CCNY: variants seen among roughly 807,000 people sequenced by gnomAD.
CCNY encodes the protein cyclin Y, also known as cyclin-Y.
CCNY carries 19 observed loss-of-function variants against 42.8 expected under a neutral mutation model. That is an observed-to-expected ratio of 0.44 (90% CI 0.31 to 0.65). CCNY has a LOEUF of 0.65. Ranked by LOEUF, CCNY falls within the 30% of genes least tolerant of loss-of-function variation. CCNY has a pLI of 0.07. For missense variants in CCNY, 370 were observed against 437.3 expected (o/e 0.85, Z 1.37); for synonymous variants, 165 against 162.7 (o/e 1.01, Z -0.11).
chr10:35,569,021 G>C, intron 9 of CCNY, 33 bp from the exon 10 acceptor site: 3 of 1,427,584 alleles, frequency 2.1e-6, no homozygotes, highest in Non-Finnish European at 3.0e-6. Context: ...GATATGGCCC[G>C]CCCTGACCCA....
Position 35,422,971 on chromosome 10 carries a change from TA to T in CCNY, c.155-60432del, listed in dbSNP as rs559628394. Among the ~76,000 whole-genome samples, 418 of 152,362 alleles carry T rather than the reference TA, an allele frequency of 2.7e-3. 5 individuals are homozygous for T. Among genetic ancestry groups the T allele is most frequent in the African/African-American group, 9.6e-3 (400 of 41,590 alleles). On this transcript the variant is annotated intron_variant, in intron 1 of 9. Transcript: ENST00000374704. The stretch of plus-strand genomic sequence containing the variant: ...ACTGACTTTACATTTTGTTAGATGG[TA>T]CTGAATCAACCACAGTTACTGCTTT...
intron 3 of CCNY, among the ~76,000 whole-genome samples, chr10:35,280,380 GGGAAGAAAGGAAGAAGGAAA>G (rs1211394147): frequency 6.8e-6 from 1 of 146,378 alleles, no homozygotes; most frequent in Non-Finnish European, 1.5e-5. Flanking sequence ...AAAGGAAGAA[GGGAAGAAAGGAAGAAGGAAA>G]GGAAGGAAGG....
chr10:35,491,738 C>T (rs915562594), intron 2 of CCNY, among the ~76,000 whole-genome samples: 12 of 152,026 alleles, frequency 7.9e-5, no homozygotes, highest in Admixed American at 1.3e-4. Flanking sequence ...CTCAGCCTCC[C>T]GAGTAGCTGG....
chr10:35,433,810 T>C (rs1472525455), intron 1 of CCNY, among the ~76,000 whole-genome samples: 3 of 152,236 alleles, frequency 2.0e-5, no homozygotes, highest in Admixed American at 1.3e-4. Flanking sequence ...AGTTTCACCA[T>C]GTTGGCCAGG....
At chr10:35,515,986 C>G (rs1253588097) in intron 3 of CCNY, among the ~76,000 whole-genome samples, 1 of 152,178 alleles carries the variant, frequency 6.6e-6, no homozygotes, top group East Asian at 1.9e-4. Context: ...TTGTCCTTAA[C>G]AAAGCAATAT....
chr10:35,363,315 G>T (rs187187578), intron 1 of CCNY, among the ~76,000 whole-genome samples: 2 of 150,288 alleles, frequency 1.3e-5, no homozygotes, highest in East Asian at 4.0e-4. Flanking sequence ...TTGGGGGGCC[G>T]GGCAGAGGCG....
intron 4 of CCNY, 37 bp downstream of exon 4, chr10:35,516,660 C>CATTTTTTTTT: frequency 1.9e-6 from 1 of 533,888 alleles, no homozygotes; most frequent in Non-Finnish European, 2.8e-6. Context: ...TTCCTTCCTT[C>CATTTTTTTTT]CTTTTTTTTT....
intron 7 of CCNY, among the ~76,000 whole-genome samples, chr10:35,549,381 C>A (rs890535715): frequency 4.6e-5 from 7 of 151,756 alleles, no homozygotes; most frequent in African/African-American, 1.5e-4. Flanking sequence ...TATGACCCTA[C>A]AGTGCTCGTG....
At chr10:35,283,505 G>A (rs1006358840) in intron 3 of CCNY, among the ~76,000 whole-genome samples, 5 of 152,032 alleles carry the variant, frequency 3.3e-5, no homozygotes, top group African/African-American at 4.8e-5. Context: ...CTGGGTTCAA[G>A]TGATTCTCCT....
intron 3 of CCNY, among the ~76,000 whole-genome samples, chr10:35,294,108 T>G (rs1835445281): frequency 6.6e-6 from 1 of 152,242 alleles, no homozygotes; most frequent in African/African-American, 2.4e-5. Context: ...ATTTGTATGT[T>G]GATCTTTTAT....
intron 1 of CCNY, among the ~76,000 whole-genome samples, chr10:35,426,109 GCGCACACACACACA>G (rs1387811230): frequency 8.2e-4 from 92 of 111,764 alleles, no homozygotes; most frequent in Middle Eastern, 5.0e-3. Context: ...GGTCCAGCAC[GCGCACACACACACA>G]CACACACACA....
At chr10:35,473,824 T>C (rs1276630735) in intron 1 of CCNY, among the ~76,000 whole-genome samples, 1 of 152,182 alleles carries the variant, frequency 6.6e-6, no homozygotes, top group South Asian at 2.1e-4. Context: ...AGCTCCTGTC[T>C]ACAGCTCCCA....
At chr10:35,472,908 G>A (rs1319425881) in intron 1 of CCNY, among the ~76,000 whole-genome samples, 6 of 152,070 alleles carry the variant, frequency 3.9e-5, no homozygotes, top group South Asian at 4.1e-4. Flanking sequence ...ATTTCGATAC[G>A]AATAGAATTG....
At chr10:35,418,653 G>GTTT (rs1240950625) in intron 1 of CCNY, among the ~76,000 whole-genome samples, 1 of 152,028 alleles carries the variant, frequency 6.6e-6, no homozygotes, top group African/African-American at 2.4e-5. Context: ...TGTAGGGGGC[G>GTTT]TATGTGGGGG....
At chr10:35,472,709 G>A (rs758851764) in intron 1 of CCNY, among the ~76,000 whole-genome samples, 4 of 152,166 alleles carry the variant, frequency 2.6e-5, no homozygotes, top group Non-Finnish European at 1.5e-5. Context: ...TCCTATCACA[G>A]TATAATCGTG....
chr10:35,307,778 G>A (rs956400325), intron 3 of CCNY, among the ~76,000 whole-genome samples: 6,131 of 88,070 alleles, frequency 0.07, 324 homozygotes, highest in African/African-American at 0.16. Flanking sequence ...GTGTGTGTGT[G>A]TGTGTGTGTG....
chr10:35,383,407 AAGC>A (rs1341745049), intron 1 of CCNY, among the ~76,000 whole-genome samples: 2 of 151,982 alleles, frequency 1.3e-5, no homozygotes, highest in African/African-American at 4.8e-5. Context: ...TCCCAGGTTC[AAGC>A]AGTTCTCCTG....
In CCNY at chr10:35,307,760, ATGTGTGTGTGTGTG is replaced by A. The variant is rs60407989; in HGVS notation, c.-9+57162_-9+57175del. Among the ~76,000 whole-genome samples, 316 of 116,152 alleles carry A rather than the reference ATGTGTGTGTGTGTG, an allele frequency of 2.7e-3. 4 individuals are homozygous for A. The highest frequency in any genetic ancestry group is 8.5e-3 in the African/African-American group (246 of 28,932). The allele number at this position is 116,152 out of a possible 152,430, so 76.2% of individuals were successfully genotyped here. A position where few individuals can be genotyped will look rare whatever the true frequency, so the allele number is the denominator to read the frequency against. On this transcript the variant is annotated intron_variant, in intron 3 of 11. Transcript: ENST00000374706. ...TATATATACATATTGATGTGTATAT[ATGTGTGTGTGTGTG>A]TGTGTGTGTGTGTGTGTGTGTGTGT...
chr10:35,441,100 T>A (rs2135295535), intron 1 of CCNY, among the ~76,000 whole-genome samples: 1 of 152,276 alleles, frequency 6.6e-6, no homozygotes, highest in East Asian at 1.9e-4. Context: ...AAGAGTCCCA[T>A]AAGGAGCTAG....
Sources: gnomAD v4.1 joint callset for allele counts (sites outside exome capture counted in the v4.1 genomes callset) on GRCh38, gnomAD v4.1.1 for gene constraint, MANE v1.5 for transcripts, NCBI Gene and HGNC (gene_info 2026-07-23, HGNC 2026-07-21) for gene names.